SORBS2: variants seen among roughly 807,000 people sequenced by gnomAD.
The protein encoded by SORBS2 is sorbin and SH3 domain containing 2.
SORBS2 carries 46 observed loss-of-function variants against 97.7 expected under a neutral mutation model. That is an observed-to-expected ratio of 0.47 (90% CI 0.37 to 0.60). The LOEUF is 0.60. SORBS2 is among the 20% of genes least tolerant of loss of function. The pLI is 0.00. For missense variants in SORBS2, 1,316 were observed against 1,282.3 expected (o/e 1.03, Z -0.40); for synonymous variants, 476 against 473.4 (o/e 1.01, Z -0.07).
intron 2 of SORBS2, among the ~76,000 whole-genome samples, chr4:185,755,278 C>T (rs1024223435): frequency 2.0e-5 from 3 of 152,230 alleles, no homozygotes; most frequent in Admixed American, 6.5e-5. Flanking sequence ...TGCTTCCCAT[C>T]GCAAGCACAG....
upstream of SORBS2, chr4:185,657,683 G>C (rs1291083585): frequency 1.7e-6 from 2 of 1,178,392 alleles, no homozygotes; most frequent in African/African-American, 3.2e-5. Context: ...TATGCCAACT[G>C]TAACACAGAG....
intron 4 of SORBS2, among the ~76,000 whole-genome samples, chr4:185,645,244 TG>T (rs2097188958): frequency 6.6e-6 from 1 of 152,226 alleles, no homozygotes; most frequent in Non-Finnish European, 1.5e-5. Context: ...AATTTAAATC[TG>T]AGATATATTA....
In SORBS2 at chr4:185,680,733, G is replaced by T. The variant is rs181489740; in HGVS notation, c.-197-1911C>A. 4.6e-4 allele frequency among the ~76,000 whole-genome samples: 70 copies of T among 152,246 alleles called. 2 individuals carry two copies. In the Middle Eastern group the frequency reaches 0.02, roughly 44 times the overall value. On this transcript the variant is annotated intron_variant, in intron 2 of 20. Coordinates refer to the SORBS2 transcript ENST00000284776. ...GACCCAGAGGCTTGGAGGTGCAAGG[G>T]TGCAGGTGCGGTGAGAAAGAAGAAG...
chr4:185,861,240 A>G (rs1243564676), intron 1 of SORBS2, among the ~76,000 whole-genome samples: 1 of 146,890 alleles, frequency 6.8e-6, no homozygotes, highest in Non-Finnish European at 1.5e-5. Context: ...TGTGGCCTGA[A>G]CGAATGTTTT....
chr4:185,634,775 G>T (rs1171240249), intron 4 of SORBS2, among the ~76,000 whole-genome samples: 1 of 152,130 alleles, frequency 6.6e-6, no homozygotes, highest in Non-Finnish European at 1.5e-5. Flanking sequence ...TATAGTGGCT[G>T]CCTGGATTAC....
intron 4 of SORBS2, among the ~76,000 whole-genome samples, chr4:185,673,329 A>G (rs920687953): frequency 1.3e-5 from 2 of 152,338 alleles, no homozygotes; most frequent in East Asian, 3.9e-4. Context: ...AAATGTTCTT[A>G]CCAAAATTTT....
chr4:185,698,728 A>G (rs1265491043), intron 2 of SORBS2, among the ~76,000 whole-genome samples: 1 of 152,216 alleles, frequency 6.6e-6, no homozygotes, highest in Non-Finnish European at 1.5e-5. Flanking sequence ...TAAGACTAAT[A>G]GGAAAACAGT....
chr4:185,856,140 C>A (rs1454402013), intron 1 of SORBS2, among the ~76,000 whole-genome samples: 3 of 152,106 alleles, frequency 2.0e-5, no homozygotes, highest in African/African-American at 7.2e-5. Context: ...TTCATTTAGT[C>A]CAATGTTCAA....
intron 2 of SORBS2, among the ~76,000 whole-genome samples, chr4:185,697,567 A>G (rs2098194735): frequency 6.6e-6 from 1 of 152,252 alleles, no homozygotes; most frequent in Non-Finnish European, 1.5e-5. Context: ...ACTGGATCTA[A>G]GGGAAAGTGA....
At chr4:185,928,829 A>C (rs1332007936) in intron 1 of SORBS2, among the ~76,000 whole-genome samples, 2 of 152,112 alleles carry the variant, frequency 1.3e-5, no homozygotes, top group African/African-American at 4.8e-5. Flanking sequence ...TCCAGGCGTG[A>C]GCCACCGCGC....
chr4:185,841,434 C>T (rs923341664), intron 1 of SORBS2, among the ~76,000 whole-genome samples: 2 of 152,072 alleles, frequency 1.3e-5, no homozygotes, highest in African/African-American at 4.8e-5. Flanking sequence ...GGATTGTCAG[C>T]GTTTCAATAC....
intron 4 of SORBS2, 109 bp from the exon 15 acceptor site, chr4:185,638,271 C>G: frequency 2.7e-6 from 2 of 732,142 alleles, no homozygotes; most frequent in Non-Finnish European, 4.9e-6. Flanking sequence ...AAACATGCAT[C>G]AACTCTCACC....
intron 4 of SORBS2, among the ~76,000 whole-genome samples, chr4:185,670,175 C>G (rs1582337057): frequency 6.6e-6 from 1 of 151,982 alleles, no homozygotes; most frequent in Non-Finnish European, 1.5e-5. Flanking sequence ...GCCGAGATCA[C>G]ACCACTGCAC....
At chr4:185,884,162 A>C (rs1169524981) in intron 1 of SORBS2, among the ~76,000 whole-genome samples, 2 of 152,190 alleles carry the variant, frequency 1.3e-5, no homozygotes, top group Non-Finnish European at 2.9e-5. Flanking sequence ...ATATATCTAA[A>C]ATGGTTGAAT....
chr4:185,899,731 T>C (rs945793307), intron 1 of SORBS2, among the ~76,000 whole-genome samples: 3 of 152,202 alleles, frequency 2.0e-5, no homozygotes, highest in Non-Finnish European at 4.4e-5. Context: ...TAAGTAGACT[T>C]GTGTTTGGGG....
intron 11 of SORBS2, 194 bp downstream of exon 23, chr4:185,614,637 C>T: frequency 1.6e-6 from 1 of 637,674 alleles, no homozygotes; most frequent in Non-Finnish European, 2.6e-6. Flanking sequence ...GGGAACTCCT[C>T]TAAAAGGACA....
chr4:185,677,256 C>T, intron 4 of SORBS2: 2 of 1,551,864 alleles, frequency 1.3e-6, no homozygotes, highest in Non-Finnish European at 1.7e-6. Flanking sequence ...ACTAATGGGG[C>T]TGCTACTTCC....
intron 4 of SORBS2, among the ~76,000 whole-genome samples, chr4:185,642,179 A>C (rs938602650): frequency 2.0e-5 from 3 of 152,246 alleles, no homozygotes; most frequent in East Asian, 1.9e-4. Flanking sequence ...AAACTCCTTA[A>C]ATTTTTATAG....
chr4:185,864,911 C>CAAAAA (rs34469356), intron 1 of SORBS2, among the ~76,000 whole-genome samples: 54,829 of 139,710 alleles, frequency 0.39, 10,885 homozygotes, highest in Middle Eastern at 0.47. Flanking sequence ...GACTCTGTCT[C>CAAAAA]AAAAAAAAAA....
Sources: allele counts gnomAD v4.1 joint callset (sites outside exome capture counted in the v4.1 genomes callset), GRCh38; gene constraint gnomAD v4.1.1; transcripts MANE v1.5; gene names NCBI Gene and HGNC (gene_info 2026-07-23, HGNC 2026-07-21).